PARP16: variants seen among roughly 807,000 people sequenced by gnomAD.
The protein encoded by PARP16 is poly(ADP-ribose) polymerase family member 16, also known as protein mono-ADP-ribosyltransferase PARP16.
In PARP16, 31 loss-of-function variants were observed where a neutral mutation model predicts 35.0. The observed-to-expected ratio is 0.88, with a 90% CI of 0.66 to 1.19. The LOEUF (loss-of-function observed/expected upper bound fraction) is 1.19. PARP16 is among the 50% of genes most tolerant of loss of function. The pLI, the probability that PARP16 is intolerant of heterozygous loss-of-function variation, is 0.00. For synonymous variants in PARP16, 162 were observed against 169.5 expected (o/e 0.96, Z 0.34); for missense variants, 424 against 411.2 (o/e 1.03, Z -0.27).
chr15:65,241,254 C>T (rs916427145), intron 3 of PARP16, among the ~76,000 whole-genome samples: 1 of 151,806 alleles, frequency 6.6e-6, no homozygotes, highest in African/African-American at 2.4e-5. Flanking sequence ...GATTCTTCTG[C>T]CTCAGCCTCC....
At chr15:65,248,952 T>G (rs2089285752) in intron 2 of PARP16, among the ~76,000 whole-genome samples, 1 of 152,104 alleles carries the variant, frequency 6.6e-6, no homozygotes, top group African/African-American at 2.4e-5. Flanking sequence ...CAGAGCACAC[T>G]CAGGTTCCAC....
intron 1 of PARP16, among the ~76,000 whole-genome samples, chr15:65,282,121 C>T (rs751167441): frequency 8.5e-5 from 13 of 152,174 alleles, no homozygotes; most frequent in Non-Finnish European, 1.2e-4. Context: ...GGTGAACCTC[C>T]GACCTCAGCC....
intron 1 of PARP16, among the ~76,000 whole-genome samples, chr15:65,278,410 C>G (rs1316236335): frequency 1.3e-5 from 2 of 152,236 alleles, no homozygotes; most frequent in Non-Finnish European, 2.9e-5. Flanking sequence ...CATCTGCAGC[C>G]TCTGCTGTGG....
At chr15:65,278,384 C>T (rs1376151166) in intron 1 of PARP16, among the ~76,000 whole-genome samples, 1 of 152,236 alleles carries the variant, frequency 6.6e-6, no homozygotes, top group African/African-American at 2.4e-5. Context: ...CAAAACCCGT[C>T]AGCTCACAGG....
chr15:65,281,464 C>T (rs1245953028), intron 1 of PARP16, among the ~76,000 whole-genome samples: 4 of 152,032 alleles, frequency 2.6e-5, no homozygotes, highest in African/African-American at 4.8e-5. Flanking sequence ...CCGAGGAGGG[C>T]GAATCACCTG....
At chr15:65,281,628 T>G (rs2090424473) in intron 1 of PARP16, among the ~76,000 whole-genome samples, 2 of 150,716 alleles carry the variant, frequency 1.3e-5, no homozygotes, top group East Asian at 2.0e-4. Flanking sequence ...GAGGCAGAGG[T>G]TGCAGTGAGC....
chr15:65,231,861 T>G (rs1036219461), downstream of PARP16, among the ~76,000 whole-genome samples: 2 of 152,232 alleles, frequency 1.3e-5, no homozygotes, highest in Non-Finnish European at 2.9e-5. Context: ...TCTCATTTTT[T>G]CCATCTAGGA....
chr15:65,281,502 C>T (rs1191093121), intron 1 of PARP16, among the ~76,000 whole-genome samples: 1 of 152,106 alleles, frequency 6.6e-6, no homozygotes, highest in African/African-American at 2.4e-5. Flanking sequence ...CCAGCCTTGA[C>T]CAACATGGTG....
intron 4 of PARP16, among the ~76,000 whole-genome samples, chr15:65,261,650 T>A (rs1259956646): frequency 2.0e-5 from 3 of 151,760 alleles, no homozygotes; most frequent in African/African-American, 7.3e-5. Flanking sequence ...GAAACGGGGT[T>A]TCACCATGTT....
Position 65,286,278 on chromosome 15 carries a change from C to T in PARP16, c.149G>A (p.Gly50Asp). 3 of 1,593,320 alleles carry T rather than the reference C, an allele frequency of 1.9e-6. No homozygotes were observed. The highest frequency in any genetic ancestry group is 2.3e-5 in the South Asian group (2 of 88,440). ...CAGGGCTTCAAAGTCCTTACAGTCG[C>T]CGCGGGCGTAGGACGCGGGGAAGGG... The part of the protein sequence containing the change: ...LRPFPASYAR[G>D]DCKDFEALLA... Residue 50 changes from glycine (G) to aspartate (D), a missense_variant, in exon 1 of 6, where the codon GGC (glycine) becomes GAC (aspartate). Coordinates refer to ENST00000649807, the MANE Select transcript of PARP16 (RefSeq NM_001316943.2).
At chr15:65,267,893 A>G (rs564353554) in intron 2 of PARP16, among the ~76,000 whole-genome samples, 8 of 151,630 alleles carry the variant, frequency 5.3e-5, no homozygotes, top group African/African-American at 1.9e-4. Context: ...GGGTTTCACC[A>G]TCTTGGCCAG....
chr15:65,279,134 G>C (rs2090346279), intron 1 of PARP16, among the ~76,000 whole-genome samples: 1 of 152,138 alleles, frequency 6.6e-6, no homozygotes, highest in Admixed American at 6.5e-5. Context: ...ACTTTTAAAA[G>C]TCCTAGTGCC....
At chr15:65,276,787 C>T (rs561521237) in intron 1 of PARP16, among the ~76,000 whole-genome samples, 2 of 151,988 alleles carry the variant, frequency 1.3e-5, no homozygotes, top group Non-Finnish European at 2.9e-5. Flanking sequence ...TTGAGACCAG[C>T]CTGGTCAACA....
intron 1 of PARP16, among the ~76,000 whole-genome samples, chr15:65,273,631 C>A (rs2090158453): frequency 6.6e-6 from 1 of 152,130 alleles, no homozygotes; most frequent in Admixed American, 6.6e-5. Context: ...GTAATCCCAG[C>A]ACTTTGGGAG....
chr15:65,273,742 G>A (rs1463271414), intron 1 of PARP16, among the ~76,000 whole-genome samples: 1 of 151,938 alleles, frequency 6.6e-6, no homozygotes, highest in Non-Finnish European at 1.5e-5. Flanking sequence ...CGGGCGTAGT[G>A]GCACATGCCT....
chr15:65,266,593 A>T lies in PARP16; in HGVS notation c.488T>A (p.Ile163Asn). ...GSRLENFHSIIHNGLHCHLNK... is the reference protein window; with the variant it reads ...GSRLENFHSINHNGLHCHLNK... ...CAGATGGCAGTGCAGGCCATTGTGGATAATGGAATGGAAGTTTTCTAGGCG... is the reference window on the plus strand; with the variant it reads ...CAGATGGCAGTGCAGGCCATTGTGGTTAATGGAATGGAAGTTTTCTAGGCG... Residue 163 changes from isoleucine to asparagine, a missense_variant, in exon 3 of 6, where the codon ATC (isoleucine) becomes AAC (asparagine). Coordinates refer to ENST00000649807, the MANE Select transcript of PARP16 (RefSeq NM_001316943.2). 1.2e-6 allele frequency: 2 copies of T among 1,614,090 alleles called. No individual in the cohort carries two copies. Among genetic ancestry groups the T allele is most frequent in the Non-Finnish European group, 1.7e-6 (2 of 1,179,998 alleles).
intron 1 of PARP16, chr15:65,282,755 T>C (rs900701669): frequency 1.3e-5 from 2 of 152,192 alleles, no homozygotes; most frequent in Non-Finnish European, 2.9e-5. Flanking sequence ...AGTCTGTCTC[T>C]ATAGAGGAGG....
chr15:65,247,990 G>T, intron 3 of PARP16: 1 of 336,572 alleles, frequency 3.0e-6, no homozygotes, highest in Non-Finnish European at 5.9e-6. Context: ...ATTTTTAGTA[G>T]AGGTGGGGTT....
chr15:65,261,111 T>C (rs1262068183), intron 4 of PARP16, 85 bp from the exon 5 acceptor site: 3 of 1,341,336 alleles, frequency 2.2e-6, no homozygotes, highest in South Asian at 2.6e-5. Flanking sequence ...TCAAGCCTCC[T>C]GGTGCTGAGG....
Sources: allele counts gnomAD v4.1 joint callset (sites outside exome capture counted in the v4.1 genomes callset), GRCh38; gene constraint gnomAD v4.1.1; transcripts MANE v1.5; gene names NCBI Gene and HGNC (gene_info 2026-07-23, HGNC 2026-07-21).